The following OSBPL1A variants were observed in gnomAD, a reference collection of about 807,000 sequenced individuals.
OSBPL1A encodes the protein oxysterol-binding protein-related protein 1.
OSBPL1A carries 80 observed loss-of-function variants against 137.1 expected under a neutral mutation model. The observed-to-expected ratio is 0.58, with a 90% CI of 0.49 to 0.70. The LOEUF (loss-of-function observed/expected upper bound fraction) is 0.70. OSBPL1A is among the 30% of genes least tolerant of loss of function. The pLI, the probability that OSBPL1A is intolerant of heterozygous loss-of-function variation, is 0.00. For synonymous variants in OSBPL1A, 365 were observed against 389.7 expected, an observed-to-expected ratio of 0.94 and a Z score of 0.75; for missense variants, 970 against 1,129.4, an observed-to-expected ratio of 0.86 and a Z score of 2.02.
intron 9 of OSBPL1A, among the ~76,000 whole-genome samples, chr18:24,318,220 TG>T (rs928856469): frequency 1.3e-5 from 2 of 151,796 alleles, no homozygotes; most frequent in Non-Finnish European, 2.9e-5. Flanking sequence ...CCAAGGCGGG[TG>T]GATCACGAGG....
At chr18:24,336,696 A>G (rs969966124) in intron 5 of OSBPL1A, among the ~76,000 whole-genome samples, 3 of 152,228 alleles carry the variant, frequency 2.0e-5, no homozygotes, top group Admixed American at 6.5e-5. Context: ...CAAGTTAGTG[A>G]GGATCTTAGA....
At position 24,178,205 on chromosome 18, in the gene OSBPL1A, TAA is replaced by T. The variant is rs370187142; in HGVS notation, c.1911-12_1911-11del. ...AAATCCAAGGTCATCTCTTAAGATTTAAAAAAAAAAAAAAAGAAAAAAAAAAG... is the reference window on the plus strand; with the variant it reads ...AAATCCAAGGTCATCTCTTAAGATTTAAAAAAAAAAAAAGAAAAAAAAAAG... On this transcript the variant is annotated splice_polypyrimidine_tract_variant and intron_variant, in intron 20 of 27. Transcript: ENST00000319481. The T allele has an allele frequency of 0.011, 12,311 of 1,123,820 alleles. No individual in the cohort carries two copies. The highest frequency in any genetic ancestry group is 0.015 in the South Asian group (775 of 51,490). 69.6% of individuals were successfully genotyped at this position (1,123,820 alleles called of 1,614,324 possible).
chr18:24,335,080 G>A lies in OSBPL1A; in HGVS notation c.395-750C>T, dbSNP rs2146145652. 1.3e-5 allele frequency among the ~76,000 whole-genome samples: 2 copies of A among 152,176 alleles called. 1 individual carries two copies. The highest frequency in any genetic ancestry group is 6.8e-3 in the Middle Eastern group (2 of 294). On this transcript the variant is annotated intron_variant, in intron 5 of 27. Transcript: ENST00000319481. Reference sequence around the variant, plus strand: ...AATATTTTTATTTTTTGTAGAGATGGGGGTCTTACTGTGTTGCCCAGGCTG... The same window carrying A: ...AATATTTTTATTTTTTGTAGAGATGAGGGTCTTACTGTGTTGCCCAGGCTG...
chr18:24,384,524 T>A (rs1242416263), intron 1 of OSBPL1A, among the ~76,000 whole-genome samples: 1 of 146,376 alleles, frequency 6.8e-6, no homozygotes, highest in Non-Finnish European at 1.5e-5. Flanking sequence ...GCTGAGATCA[T>A]GCCACAGCAC....
intron 15 of OSBPL1A, among the ~76,000 whole-genome samples, chr18:24,255,873 A>G (rs932964334): frequency 6.6e-6 from 1 of 150,734 alleles, no homozygotes; most frequent in Non-Finnish European, 1.5e-5. Flanking sequence ...TGATTCCCCA[A>G]CTCCCCAAGT....
intron 14 of OSBPL1A, among the ~76,000 whole-genome samples, chr18:24,300,021 G>C (rs968896929): frequency 6.6e-6 from 1 of 152,132 alleles, no homozygotes; most frequent in Admixed American, 6.5e-5. Context: ...TGATAACATG[G>C]CCTTCAGGAA....
rs1906407905 is a variant in OSBPL1A, at chr18:24,379,222, A to C, written c.-2-1687T>G. Among the ~76,000 whole-genome samples, 2 of 152,222 alleles carry C rather than the reference A, an allele frequency of 1.3e-5. 1 individual carries two copies. The highest frequency in any genetic ancestry group is 4.1e-4 in the South Asian group (2 of 4,834). On this transcript the variant is annotated intron_variant, in intron 1 of 27. Coordinates refer to ENST00000319481, the MANE Select transcript of OSBPL1A (RefSeq NM_080597.4). The stretch of plus-strand genomic sequence containing the variant: ...AAATAAAATGTTAAGAAAATGGGAG[A>C]TAAAAGATGAATGTTGGCCAGGCAC...
At chr18:24,342,184 T>G (rs2091283917) in intron 4 of OSBPL1A, among the ~76,000 whole-genome samples, 1 of 152,214 alleles carries the variant, frequency 6.6e-6, no homozygotes, top group Admixed American at 6.5e-5. Flanking sequence ...TCATTAAGCA[T>G]TAGATAAGCA....
chr18:24,390,897 C>T (rs989526073), intron 1 of OSBPL1A, among the ~76,000 whole-genome samples: 4 of 151,614 alleles, frequency 2.6e-5, no homozygotes, highest in African/African-American at 9.7e-5. Flanking sequence ...GTCAGGAGCT[C>T]GAGACCAGCC....
At chr18:24,284,387 G>A (rs1055952802) in intron 14 of OSBPL1A, among the ~76,000 whole-genome samples, 6 of 152,066 alleles carry the variant, frequency 3.9e-5, no homozygotes, top group Non-Finnish European at 5.9e-5. Context: ...TGATGCTGTT[G>A]ATTTTCAGGA....
intron 4 of OSBPL1A, among the ~76,000 whole-genome samples, chr18:24,353,324 T>C (rs1474235771): frequency 2.0e-5 from 3 of 152,146 alleles, no homozygotes; most frequent in Admixed American, 2.0e-4. Flanking sequence ...AAAATGCTCA[T>C]CATCACTGGC....
At chr18:24,195,896 A>C in intron 18 of OSBPL1A, 1 of 484,828 alleles carries the variant, frequency 2.1e-6, no homozygotes, top group South Asian at 2.2e-5. Flanking sequence ...CGGCATTTTC[A>C]GTTTCTGTTT....
At chr18:24,269,245 A>C (rs2089657214) in intron 15 of OSBPL1A, among the ~76,000 whole-genome samples, 1 of 152,082 alleles carries the variant, frequency 6.6e-6, no homozygotes, top group Non-Finnish European at 1.5e-5. Flanking sequence ...TCTTTCAGTG[A>C]CTCTAACTGC....
intron 13 of OSBPL1A, 144 bp downstream of exon 13, chr18:24,311,840 C>T (rs541164754): frequency 1.1e-6 from 1 of 925,154 alleles, no homozygotes; most frequent in East Asian, 2.5e-5. Context: ...GCTACCAACA[C>T]AATGCAACTC....
intron 18 of OSBPL1A, among the ~76,000 whole-genome samples, chr18:24,192,912 C>G (rs899899069): frequency 1.3e-5 from 2 of 152,164 alleles, no homozygotes; most frequent in Non-Finnish European, 2.9e-5. Context: ...GGGATGAGGA[C>G]TCTGGTTGAG....
Position 24,225,130 on chromosome 18 carries a change from C to T in OSBPL1A, c.1513G>A (p.Glu505Lys), listed in dbSNP as rs1034848074. 1.2e-6 allele frequency: 2 copies of T among 1,614,066 alleles called. No individual in the cohort carries two copies. The highest frequency in any genetic ancestry group is 2.7e-5 in the African/African-American group (2 of 74,938). ...CTGTGTTTTCTACTGCCCAAATGCT[C>T]TCCTTCCTCTTCAAAGGAGCGTGCT... Reference protein sequence around the residue: ...VTARSFEEEGEHLGSRKHRMS... With the variant: ...VTARSFEEEGKHLGSRKHRMS... Residue 505 changes from glutamate to lysine, a missense_variant, in exon 17 of 28, where the codon GAG becomes AAG. Glu to Lys is a moderately conservative substitution (Grantham distance 56, BLOSUM62 1). Transcript: ENST00000319481.
At chr18:24,334,764 A>G (rs2091144082) in intron 5 of OSBPL1A, among the ~76,000 whole-genome samples, 1 of 152,220 alleles carries the variant, frequency 6.6e-6, no homozygotes, top group South Asian at 2.1e-4. Context: ...ATTGCCACAT[A>G]AAAATATAAA....
At chr18:24,285,131 C>T (rs374546743) in intron 14 of OSBPL1A, among the ~76,000 whole-genome samples, 5 of 152,188 alleles carry the variant, frequency 3.3e-5, no homozygotes, top group African/African-American at 1.2e-4. Context: ...CAACAGCGGC[C>T]ACACCCACTT....
At position 24,291,782 on chromosome 18, in the gene OSBPL1A, C is replaced by G. The variant is rs191388798; in HGVS notation, c.1175-10834G>C. 6.5e-3 allele frequency among the ~76,000 whole-genome samples: 900 copies of G among 137,448 alleles called. 12 individuals carry two copies. The highest frequency in any genetic ancestry group is 0.023 in the African/African-American group (846 of 37,020). The allele number at this position is 137,448 out of a possible 152,430, so 90.2% of individuals were successfully genotyped here. ...CTTGGGGGACAGGGAAAAAAAAAAACGAGAGATTGCCTGTAATTCCAGCAC... is the reference window on the plus strand; with the variant it reads ...CTTGGGGGACAGGGAAAAAAAAAAAGGAGAGATTGCCTGTAATTCCAGCAC... On this transcript the variant is annotated intron_variant, in intron 14 of 27. Coordinates refer to ENST00000319481, the MANE Select transcript of OSBPL1A (RefSeq NM_080597.4).
Sources: gnomAD v4.1 joint callset for allele counts (sites outside exome capture counted in the v4.1 genomes callset) on GRCh38, gnomAD v4.1.1 for gene constraint, MANE v1.5 for transcripts, NCBI Gene and HGNC (gene_info 2026-07-23, HGNC 2026-07-21) for gene names.